TMPRSS7: variants seen among roughly 807,000 people sequenced by gnomAD.
TMPRSS7 encodes the protein transmembrane protease serine 7.
A neutral mutation model predicts 95.6 loss-of-function variants in TMPRSS7; 81 were observed. That is an observed-to-expected ratio of 0.85 (90% CI 0.71 to 1.02). TMPRSS7 has a LOEUF of 1.02. Ranked by LOEUF, TMPRSS7 falls within the 50% of genes least tolerant of loss-of-function variation. The pLI, the probability that TMPRSS7 is intolerant of heterozygous loss-of-function variation, is 0.00. For synonymous variants in TMPRSS7, 364 were observed against 337.8 expected (o/e 1.08, Z -0.85); for missense variants, 945 against 955.2 (o/e 0.99, Z 0.14).
At chr3:112,061,827 G>A (rs1576113418) in exon 11 of TMPRSS7, 1 of 1,611,394 alleles carries the variant, frequency 6.2e-7, no homozygotes, top group Non-Finnish European at 8.5e-7. Flanking sequence ...AATTTTTCGA[G>A]TGCCCAGCCC....
At chr3:112,079,383 G>A (rs1278134907) in intron 17 of TMPRSS7, among the ~76,000 whole-genome samples, 2 of 152,220 alleles carry the variant, frequency 1.3e-5, no homozygotes, top group Admixed American at 6.5e-5. Flanking sequence ...AATCTATGCA[G>A]TTACCTACAT....
At chr3:112,040,823 A>G (rs996239783) in intron 2 of TMPRSS7, among the ~76,000 whole-genome samples, 1 of 152,198 alleles carries the variant, frequency 6.6e-6, no homozygotes, top group Non-Finnish European at 1.5e-5. Flanking sequence ...GTTTTGATAC[A>G]GGAAATCTGG....
At chr3:112,079,129 A>G (rs2073748861) in intron 17 of TMPRSS7, among the ~76,000 whole-genome samples, 1 of 152,238 alleles carries the variant, frequency 6.6e-6, no homozygotes, top group Non-Finnish European at 1.5e-5. Context: ...TGAGGTCAGC[A>G]TTCATCATTC....
intron 15 of TMPRSS7, among the ~76,000 whole-genome samples, chr3:112,076,477 T>C (rs2073711007): frequency 6.6e-6 from 1 of 152,258 alleles, no homozygotes; most frequent in South Asian, 2.1e-4. Context: ...TCATATCATT[T>C]GAATTTGGTA....
intron 10 of TMPRSS7, among the ~76,000 whole-genome samples, chr3:112,057,456 GA>G (rs1450520766): frequency 6.6e-6 from 1 of 151,930 alleles, no homozygotes; most frequent in African/African-American, 2.4e-5. Flanking sequence ...GGGTTCTGCT[GA>G]AAAAAAATGT....
At chr3:112,047,105 C>G (rs953040568) in intron 6 of TMPRSS7, 93 bp downstream of exon 6, 2 of 676,084 alleles carry the variant, frequency 3.0e-6, no homozygotes, top group Non-Finnish European at 5.4e-6. Context: ...TGTTAGTGCT[C>G]TTTTAATTGC....
At chr3:112,039,525 G>A (rs2073184161) in intron 2 of TMPRSS7, 1 of 152,178 alleles carries the variant, frequency 6.6e-6, no homozygotes, top group Non-Finnish European at 1.5e-5. Flanking sequence ...ACTTTCAAGA[G>A]GGGGCTGAAG....
At chr3:112,039,989 T>A (rs2073189428) in intron 2 of TMPRSS7, among the ~76,000 whole-genome samples, 1 of 152,154 alleles carries the variant, frequency 6.6e-6, no homozygotes, top group Admixed American at 6.5e-5. Flanking sequence ...TCATTGGACA[T>A]CCAGTTGGTG....
chr3:112,076,890 C>G, exon 16 of TMPRSS7: 1 of 1,614,014 alleles, frequency 6.2e-7, no homozygotes, highest in Non-Finnish European at 8.5e-7. Context: ...TCAGATCCCA[C>G]ACCATGGACT....
intron 13 of TMPRSS7, among the ~76,000 whole-genome samples, chr3:112,072,339 G>A (rs754029695): frequency 1.3e-5 from 2 of 152,324 alleles, no homozygotes; most frequent in Non-Finnish European, 2.9e-5. Flanking sequence ...TCCTCTGGAA[G>A]CTTCGTCCCA....
At chr3:112,057,220 T>C (rs753748417) in intron 10 of TMPRSS7, 89 bp downstream of exon 10, 53 of 951,078 alleles carry the variant, frequency 5.6e-5, no homozygotes, top group Non-Finnish European at 7.6e-5. Context: ...GTTTGCGCTT[T>C]ACCATTTACA....
rs541902435 is a variant in TMPRSS7, at chr3:112,041,771, A to G, written c.299-149A>G. ...TGATGAAATAGATGTTGTTACCTAC[A>G]TTTAAAAGTTCACAGGCTCTGAACC... On this transcript the variant is annotated intron_variant, in intron 2 of 17. Coordinates refer to ENST00000452346, the Ensembl canonical transcript of TMPRSS7. 191 of 602,830 alleles carry G rather than the reference A, an allele frequency of 3.2e-4. 1 individual carries two copies. In the African/African-American group the frequency reaches 3.3e-3, roughly 10 times the overall value. 37.3% of individuals were successfully genotyped at this position (602,830 alleles called of 1,614,324 possible).
Position 112,060,821 on chromosome 3 carries a change from G to A in TMPRSS7, c.1311-966G>A, listed in dbSNP as rs1162636072. ...TAAAGACAGGTGTAGGAAATCACAA[G>A]GTTATTGATTGGGGAAGTGATAAGT... On this transcript the variant is annotated intron_variant, in intron 10 of 17. Transcript: ENST00000452346. Among the ~76,000 whole-genome samples the A allele has an allele frequency of 2.6e-5, 4 of 152,110 alleles. No homozygotes were observed. In the East Asian group the frequency reaches 7.7e-4, roughly 29 times the overall value.
chr3:112,063,866 G>A (rs2073543473), intron 12 of TMPRSS7, among the ~76,000 whole-genome samples: 1 of 152,234 alleles, frequency 6.6e-6, no homozygotes, highest in South Asian at 2.1e-4. Flanking sequence ...TTCAAGCATT[G>A]GGTCCACCTG....
intron 13 of TMPRSS7, among the ~76,000 whole-genome samples, chr3:112,072,013 AAGG>A (rs1433273665): frequency 1.3e-5 from 2 of 152,176 alleles, no homozygotes; most frequent in Non-Finnish European, 2.9e-5. Flanking sequence ...CATTCCTTTG[AAGG>A]AGAAGAGGCG....
intron 9 of TMPRSS7, among the ~76,000 whole-genome samples, chr3:112,053,116 G>A (rs1353645534): frequency 6.6e-6 from 1 of 150,998 alleles, no homozygotes; most frequent in Non-Finnish European, 1.5e-5. Flanking sequence ...ATCAGGGCAT[G>A]TTACTGTGAA....
intron 15 of TMPRSS7, among the ~76,000 whole-genome samples, chr3:112,076,316 G>A (rs1476348850): frequency 6.6e-6 from 1 of 152,188 alleles, no homozygotes; most frequent in East Asian, 1.9e-4. Context: ...TGGGATTCTG[G>A]AAGGACTGAT....
chr3:112,043,763 G>A (rs2073240534), intron 3 of TMPRSS7, among the ~76,000 whole-genome samples: 1 of 152,276 alleles, frequency 6.6e-6, no homozygotes, highest in South Asian at 2.1e-4. Flanking sequence ...AAAATGGCTG[G>A]GGCGCTTCCC....
intron 6 of TMPRSS7, 198 bp from the exon 7 acceptor site, chr3:112,047,541 A>C: frequency 1.5e-6 from 1 of 665,618 alleles, no homozygotes; most frequent in Non-Finnish European, 2.7e-6. Flanking sequence ...CCCCAACCAA[A>C]CTATATAGAC....
Sources: allele counts gnomAD v4.1 joint callset (sites outside exome capture counted in the v4.1 genomes callset), GRCh38; gene constraint gnomAD v4.1.1; transcripts MANE v1.5; gene names NCBI Gene and HGNC (gene_info 2026-07-23, HGNC 2026-07-21).